The following SUGCT variants were observed in gnomAD, a reference collection of about 807,000 sequenced individuals.
SUGCT encodes succinyl-CoA:glutarate CoA-transferase.
In SUGCT, 41 loss-of-function variants were observed where a neutral mutation model predicts 55.0. The ratio of observed to expected loss-of-function variants is 0.74; its 90% CI spans 0.58 to 0.97. SUGCT has a LOEUF of 0.97. SUGCT is among the 50% of genes least tolerant of loss of function. The pLI, the probability that SUGCT is intolerant of heterozygous loss-of-function variation, is 0.00. For synonymous variants in SUGCT, 187 were observed against 200.4 expected (o/e 0.93, Z 0.56); for missense variants, 568 against 547.8 (o/e 1.04, Z -0.37).
intron 9 of SUGCT, among the ~76,000 whole-genome samples, chr7:40,328,618 G>C (rs1796130108): frequency 6.6e-6 from 1 of 152,048 alleles, no homozygotes; most frequent in Non-Finnish European, 1.5e-5. Context: ...GTAGTTTTTT[G>C]AAACAGGGAT....
chr7:40,399,304 C>T (rs1034048206), intron 9 of SUGCT, among the ~76,000 whole-genome samples: 3 of 152,034 alleles, frequency 2.0e-5, no homozygotes, highest in Non-Finnish European at 4.4e-5. Flanking sequence ...AAAATCTAAA[C>T]CCTGAGAGGA....
intron 6 of SUGCT, among the ~76,000 whole-genome samples, chr7:40,198,635 C>A (rs899879063): frequency 7.0e-6 from 1 of 142,584 alleles, no homozygotes; most frequent in African/African-American, 3.1e-5. Flanking sequence ...CCGAGGCGGG[C>A]GGATCACCTG....
chr7:40,505,159 T>C (rs1261722670), intron 12 of SUGCT, among the ~76,000 whole-genome samples: 1 of 152,210 alleles, frequency 6.6e-6, no homozygotes, highest in Non-Finnish European at 1.5e-5. Context: ...ATCTATTTTC[T>C]GATATTAGTG....
chr7:40,150,124 C>A (rs1047979769), intron 1 of SUGCT, among the ~76,000 whole-genome samples: 5 of 152,126 alleles, frequency 3.3e-5, no homozygotes, highest in African/African-American at 1.2e-4. Flanking sequence ...AGTCATGCGG[C>A]CGGAGGCTAC....
the SUGCT span, among the ~76,000 whole-genome samples, chr7:40,937,516 G>T: frequency 1.3e-5 from 2 of 152,118 alleles, no homozygotes; most frequent in African/African-American, 2.4e-5. Context: ...AGCCATTATT[G>T]TTGAATTGTT....
intron 3 of SUGCT, 151 bp from the exon 4 acceptor site, chr7:40,188,344 G>A: frequency 1.8e-6 from 1 of 555,444 alleles, no homozygotes. Context: ...TGAGGCAGGA[G>A]AATTACCCGA....
At chr7:40,776,786 A>C (rs1055192037) in intron 13 of SUGCT, among the ~76,000 whole-genome samples, 4 of 152,172 alleles carry the variant, frequency 2.6e-5, no homozygotes, top group African/African-American at 4.8e-5. Flanking sequence ...CCAGTGACAG[A>C]CATTGCTCAT....
intron 12 of SUGCT, among the ~76,000 whole-genome samples, chr7:40,658,074 A>G (rs1301546847): frequency 1.3e-5 from 2 of 152,214 alleles, no homozygotes; most frequent in South Asian, 4.1e-4. Flanking sequence ...AAGGGAATTA[A>G]AACAACCAAA....
rs551900744 is a variant in SUGCT, at chr7:40,189,290, C to T, written c.313-254C>T. Among the ~76,000 whole-genome samples, 409 of 151,476 alleles carry T rather than the reference C, an allele frequency of 2.7e-3. 2 individuals are homozygous for T. Among genetic ancestry groups the T allele is most frequent in the South Asian group, 4.8e-3 (23 of 4,796 alleles). On this transcript the variant is annotated intron_variant, in intron 4 of 13. Transcript: ENST00000335693. ...CCGGGAGGCAGAGGTTGCAGTGAGC[C>T]AAGATTGCACCACTGCACTCCAGCC...
the SUGCT span, among the ~76,000 whole-genome samples, chr7:40,972,342 G>T: frequency 3.3e-5 from 5 of 152,128 alleles, no homozygotes; most frequent in African/African-American, 1.2e-4. Context: ...TACACTCCTT[G>T]CCAGCTAAAA....
intron 9 of SUGCT, among the ~76,000 whole-genome samples, chr7:40,392,830 A>G (rs534983522): frequency 1.3e-5 from 2 of 152,198 alleles, no homozygotes; most frequent in Non-Finnish European, 2.9e-5. Context: ...AGTTTGAAAA[A>G]TAAATTTACA....
chr7:40,414,513 A>G (rs1786860811), intron 9 of SUGCT, among the ~76,000 whole-genome samples: 1 of 152,166 alleles, frequency 6.6e-6, no homozygotes, highest in Non-Finnish European at 1.5e-5. Flanking sequence ...CTTATTTCCA[A>G]AAATAGCAGT....
the SUGCT span, among the ~76,000 whole-genome samples, chr7:41,004,943 G>T: frequency 6.6e-6 from 1 of 152,166 alleles, no homozygotes; most frequent in Non-Finnish European, 1.5e-5. Flanking sequence ...GACATCGGTG[G>T]ACTTGGCCCT....
chr7:40,152,007 A>T lies in SUGCT; in HGVS notation c.100+16887A>T, dbSNP rs570494602. ...GGGATCACAGAACAGGTTGAGCCAGATTATTGGTCTGGGTGGCACCAGCTG... is the reference window on the plus strand; with the variant it reads ...GGGATCACAGAACAGGTTGAGCCAGTTTATTGGTCTGGGTGGCACCAGCTG... On this transcript the variant is annotated intron_variant, in intron 1 of 13. Coordinates refer to ENST00000335693, the MANE Select transcript of SUGCT (RefSeq NM_001193313.2). 4.6e-5 allele frequency among the ~76,000 whole-genome samples: 7 copies of T among 152,194 alleles called. No homozygotes were observed. In the East Asian group the frequency reaches 1.2e-3, roughly 25 times the overall value.
At chr7:40,469,899 A>C (rs902669530) in intron 11 of SUGCT, among the ~76,000 whole-genome samples, 1 of 152,108 alleles carries the variant, frequency 6.6e-6, no homozygotes, top group Non-Finnish European at 1.5e-5. Flanking sequence ...TCTCCTTTGG[A>C]ACTTAATGTG....
the SUGCT span, among the ~76,000 whole-genome samples, chr7:40,996,782 C>T: frequency 6.6e-6 from 1 of 152,164 alleles, no homozygotes; most frequent in Non-Finnish European, 1.5e-5. Flanking sequence ...CCCAAGGCAA[C>T]CCCAAGATTT....
the SUGCT span, among the ~76,000 whole-genome samples, chr7:40,963,189 G>GTT: frequency 2.0e-5 from 3 of 149,150 alleles, no homozygotes; most frequent in African/African-American, 7.4e-5. Flanking sequence ...AAGAATATTG[G>GTT]TTTTTTTTTT....
Position 40,761,847 on chromosome 7 carries a change from G to A in SUGCT, c.1153+12350G>A, listed in dbSNP as rs115424350. Among the ~76,000 whole-genome samples, 281 of 152,278 alleles carry A rather than the reference G, an allele frequency of 1.8e-3. 2 individuals carry two copies. Among genetic ancestry groups the A allele is most frequent in the African/African-American group, 5.0e-3 (208 of 41,556 alleles). ...AGGAAACCAAATAAGAAAACTGACCGTCCTCCGAGGGTCAGGATTTTCTTT... is the reference window on the plus strand; with the variant it reads ...AGGAAACCAAATAAGAAAACTGACCATCCTCCGAGGGTCAGGATTTTCTTT... On this transcript the variant is annotated intron_variant, in intron 13 of 13. Coordinates refer to ENST00000335693, the MANE Select transcript of SUGCT (RefSeq NM_001193313.2).
chr7:40,543,212 C>T (rs1406478572), intron 12 of SUGCT, among the ~76,000 whole-genome samples: 3 of 152,140 alleles, frequency 2.0e-5, no homozygotes, highest in African/African-American at 7.2e-5. Context: ...GCTTCCAGCA[C>T]CTGCTGTAGG....
Sources: gnomAD v4.1 joint callset for allele counts (sites outside exome capture counted in the v4.1 genomes callset) on GRCh38, gnomAD v4.1.1 for gene constraint, MANE v1.5 for transcripts, NCBI Gene and HGNC (gene_info 2026-07-23, HGNC 2026-07-21) for gene names.